SEMA3A: variants seen among roughly 807,000 people sequenced by gnomAD.
SEMA3A encodes the protein semaphorin-3A.
SEMA3A carries 29 observed loss-of-function variants against 97.9 expected under a neutral mutation model. The ratio of observed to expected loss-of-function variants is 0.30; its 90% CI spans 0.22 to 0.40. The LOEUF (loss-of-function observed/expected upper bound fraction) is 0.40, where lower values mean the gene tolerates loss of function less well. Ranked by LOEUF, SEMA3A falls within the 10% of genes least tolerant of loss-of-function variation. The pLI, the probability that SEMA3A is intolerant of heterozygous loss-of-function variation, is 1.00. For missense variants in SEMA3A, 763 were observed against 951.3 expected, an observed-to-expected ratio of 0.80 and a Z score of 2.60; for synonymous variants, 321 against 323.7, an observed-to-expected ratio of 0.99 and a Z score of 0.09.
chr7:84,104,666 A>T (rs1312998300), intron 4 of SEMA3A, among the ~76,000 whole-genome samples: 1 of 152,098 alleles, frequency 6.6e-6, no homozygotes, highest in African/African-American at 2.4e-5. Context: ...TCAAAGTATG[A>T]CTTAGGTCAC....
At chr7:84,356,819 G>GA (rs34285167) in intron 2 of SEMA3A, among the ~76,000 whole-genome samples, 1 of 151,290 alleles carries the variant, frequency 6.6e-6, no homozygotes, top group Non-Finnish European at 1.5e-5. Context: ...TATAAATACA[G>GA]AAAAAAATTA....
At chr7:84,173,460 G>A (rs1797457075) in intron 1 of SEMA3A, among the ~76,000 whole-genome samples, 1 of 150,302 alleles carries the variant, frequency 6.7e-6, no homozygotes, top group African/African-American at 2.5e-5. Context: ...TCAGGAAGCT[G>A]AGACAGGAGA....
intron 1 of SEMA3A, among the ~76,000 whole-genome samples, chr7:84,405,403 T>G (rs931535618): frequency 3.3e-5 from 5 of 152,160 alleles, no homozygotes; most frequent in East Asian, 1.9e-4. Flanking sequence ...AGCAAGTCCT[T>G]AGTGACCTAC....
intron 1 of SEMA3A, among the ~76,000 whole-genome samples, chr7:84,398,177 C>A (rs574539347): frequency 1.3e-5 from 2 of 152,258 alleles, no homozygotes; most frequent in African/African-American, 4.8e-5. Flanking sequence ...TCCTCATTCT[C>A]CTATCCAACA....
chr7:83,965,616 A>C (rs1255340689), intron 15 of SEMA3A, among the ~76,000 whole-genome samples: 1 of 119,082 alleles, frequency 8.4e-6, no homozygotes, highest in African/African-American at 3.1e-5. Context: ...CCAATGTAAC[A>C]CCAATGGGTG....
intron 1 of SEMA3A, among the ~76,000 whole-genome samples, chr7:84,460,405 G>GAA (rs201817765): frequency 7.0e-6 from 1 of 142,078 alleles, no homozygotes; most frequent in Non-Finnish European, 1.5e-5. Flanking sequence ...TCAATTCTCA[G>GAA]AAAAAAAAAA....
Position 84,019,793 on chromosome 7 carries a change from CAT to C in SEMA3A, c.668-5444_668-5443del, listed in dbSNP as rs544421828. Among the ~76,000 whole-genome samples, 43 of 152,152 alleles carry C rather than the reference CAT, an allele frequency of 2.8e-4. 3 individuals carry two copies. In the South Asian group the frequency reaches 8.5e-3, roughly 30 times the overall value. On this transcript the variant is annotated intron_variant, in intron 6 of 16. Coordinates refer to ENST00000265362, the MANE Select transcript of SEMA3A (RefSeq NM_006080.3). ...CAGACATTGGCACAATACAATTTCACATGTTTTTAATATTTCCATTGCTTTTT... is the reference window on the plus strand; with the variant it reads ...CAGACATTGGCACAATACAATTTCACGTTTTTAATATTTCCATTGCTTTTT...
chr7:83,980,497 C>T (rs1477239266), intron 14 of SEMA3A, among the ~76,000 whole-genome samples: 4 of 148,326 alleles, frequency 2.7e-5, no homozygotes, highest in African/African-American at 5.0e-5. Context: ...CCCAGCTACT[C>T]GGGAGGGTGA....
At position 84,446,930 on chromosome 7, in the gene SEMA3A, G is replaced by A. The variant is rs371703508; in HGVS notation, c.-246+45530C>T. Among the ~76,000 whole-genome samples, 106 of 152,168 alleles carry A rather than the reference G, an allele frequency of 7.0e-4. 1 individual carries two copies. Among genetic ancestry groups the A allele is most frequent in the African/African-American group, 2.4e-3 (98 of 41,544 alleles). ...GTGGGGCAGGAGCCCCGCACTCTTG[G>A]CTGCAGCTGCAGCTGCCCAGCCACA... On this transcript the variant is annotated intron_variant, in intron 1 of 3. Coordinates refer to the SEMA3A transcript ENST00000424555.
intron 2 of SEMA3A, among the ~76,000 whole-genome samples, chr7:84,308,726 G>A (rs1255640448): frequency 6.6e-6 from 1 of 152,178 alleles, no homozygotes; most frequent in African/African-American, 2.4e-5. Flanking sequence ...AGGAGAAATG[G>A]TATTGATCAG....
At chr7:84,187,840 G>A (rs1209449031) in intron 1 of SEMA3A, among the ~76,000 whole-genome samples, 2 of 152,030 alleles carry the variant, frequency 1.3e-5, no homozygotes, top group Non-Finnish European at 2.9e-5. Context: ...GCTAGCCATT[G>A]AGAATATAAA....
At chr7:84,229,913 A>G (rs1203309112) in intron 3 of SEMA3A, among the ~76,000 whole-genome samples, 5 of 151,808 alleles carry the variant, frequency 3.3e-5, no homozygotes, top group Admixed American at 6.6e-5. Context: ...CTTTGTATCA[A>G]TCTCTACTTC....
intron 13 of SEMA3A, among the ~76,000 whole-genome samples, chr7:83,982,684 GTC>G (rs995468599): frequency 6.6e-6 from 1 of 152,078 alleles, no homozygotes; most frequent in Non-Finnish European, 1.5e-5. Flanking sequence ...AGAAAAGTCA[GTC>G]TCTGAACAAT....
At chr7:84,206,125 C>G (rs1262350554) in intron 3 of SEMA3A, among the ~76,000 whole-genome samples, 1 of 152,080 alleles carries the variant, frequency 6.6e-6, no homozygotes, top group Non-Finnish European at 1.5e-5. Flanking sequence ...TTGCCTTTCC[C>G]TCATACAATT....
rs117773423 is a variant in SEMA3A at position 84,089,862 on chromosome 7, T to C, written c.453+20608A>G. On this transcript the variant is annotated intron_variant, in intron 4 of 16. Transcript: ENST00000265362. ...CTATCAGACTAAATTTTAAAGGTTA[T>C]GAACTGTGCTAAAGATGCAATATTG... Among the ~76,000 whole-genome samples the C allele has an allele frequency of 5.3e-3, 807 of 152,070 alleles. 6 individuals are homozygous for C. Among genetic ancestry groups the C allele is most frequent in the Middle Eastern group, 0.01 (3 of 292 alleles).
rs10262021 is a variant in SEMA3A, at chr7:84,268,993, A to G, written c.-83+38214T>C. On this transcript the variant is annotated intron_variant, in intron 3 of 3. Transcript: ENST00000424555. ...ATAGACTTTACTGTACAACTAGAAG[A>G]AAGCTTTCATTACTGTTACTACTCC... is the stretch of plus-strand genomic sequence containing the variant. 7.7e-4 allele frequency among the ~76,000 whole-genome samples: 117 copies of G among 152,274 alleles called. 1 individual carries two copies. The highest frequency in any genetic ancestry group is 2.7e-3 in the African/African-American group (112 of 41,566).
chr7:84,202,348 T>C (rs1412518309), intron 3 of SEMA3A, among the ~76,000 whole-genome samples: 1 of 152,214 alleles, frequency 6.6e-6, no homozygotes, highest in African/African-American at 2.4e-5. Context: ...ACATCCAATT[T>C]TATTGTCAAT....
intron 6 of SEMA3A, among the ~76,000 whole-genome samples, chr7:84,038,337 A>G (rs764980638): frequency 1.1e-4 from 16 of 152,192 alleles, no homozygotes; most frequent in Non-Finnish European, 2.4e-4. Flanking sequence ...ATTTTTAGCA[A>G]CTCAGTATAT....
At chr7:84,138,581 C>G (rs747290997) in intron 1 of SEMA3A, among the ~76,000 whole-genome samples, 2 of 152,012 alleles carry the variant, frequency 1.3e-5, no homozygotes, top group Non-Finnish European at 2.9e-5. Flanking sequence ...ATCATGAAAA[C>G]AAACCACAGT....
Sources: allele counts gnomAD v4.1 joint callset (sites outside exome capture counted in the v4.1 genomes callset), GRCh38; gene constraint gnomAD v4.1.1; transcripts MANE v1.5; gene names NCBI Gene and HGNC (gene_info 2026-07-23, HGNC 2026-07-21).